The following PDS5B variants were observed in gnomAD, a reference collection of about 807,000 sequenced individuals.
PDS5B encodes the protein PDS5 cohesin associated factor B.
In PDS5B, 51 loss-of-function variants were observed where a neutral mutation model predicts 184.1. The ratio of observed to expected loss-of-function variants is 0.28; its 90% CI spans 0.22 to 0.35. The LOEUF (loss-of-function observed/expected upper bound fraction) is 0.35, where lower values mean the gene tolerates loss of function less well. Among genes scored for constraint, PDS5B ranks in the 10% least tolerant of loss-of-function variants. PDS5B has a pLI of 1.00. For missense variants in PDS5B, 1,180 were observed against 1,723.3 expected (o/e 0.68, Z 5.58); for synonymous variants, 566 against 569.2 (o/e 0.99, Z 0.08).
rs780606336 is a variant in PDS5B, at chr13:32,735,214, A to G, written c.2290A>G (p.Ile764Val). The change falls in exon 21 of 35, where the codon ATA (isoleucine) becomes GTA (valine). Residue 764 changes from isoleucine (I) to valine (V), a missense_variant. Coordinates refer to ENST00000315596, the MANE Select transcript of PDS5B (RefSeq NM_015032.4). Reference sequence around the variant, plus strand: ...AGATCCAAGCAACCTGGAACATCTCATAACACCATTGGTTACTATTGGTCA... The same window carrying G: ...AGATCCAAGCAACCTGGAACATCTCGTAACACCATTGGTTACTATTGGTCA... ...SLDPSNLEHL[I>V]TPLVTIGHIA... 1.3e-6 allele frequency: 2 copies of G among 1,596,706 alleles called. No homozygotes were observed. Among genetic ancestry groups the G allele is most frequent in the Admixed American group, 1.7e-5 (1 of 59,760 alleles).
intron 23 of PDS5B, among the ~76,000 whole-genome samples, chr13:32,743,699 T>C (rs1953645481): frequency 6.6e-6 from 1 of 152,156 alleles, no homozygotes; most frequent in Admixed American, 6.6e-5. Context: ...TTGCATAGAA[T>C]GTTAACAGAA....
chr13:32,611,482 A>C (rs1312644752), intron 1 of PDS5B, among the ~76,000 whole-genome samples: 1 of 135,434 alleles, frequency 7.4e-6, no homozygotes, highest in Non-Finnish European at 1.6e-5. Context: ...ACATTTGATC[A>C]TTTTATTACT....
In PDS5B at chr13:32,746,070, A is replaced by G. The variant is rs1953731338; in HGVS notation, c.2706A>G (p.Glu902=). The part of the protein sequence containing the change: ...EPCYHEIITL[E]QYQLCALAIN... ...GTTACCATGAAATCATCACATTAGAACAATATCAGCTATGTGCATTAGCTA... is the reference window on the plus strand; with the variant it reads ...GTTACCATGAAATCATCACATTAGAGCAATATCAGCTATGTGCATTAGCTA... Residue 902 remains glutamate, a synonymous_variant, in exon 24 of 35, where the codon GAA becomes GAG. Coordinates refer to ENST00000315596, the MANE Select transcript of PDS5B (RefSeq NM_015032.4). The G allele has an allele frequency of 6.2e-7, 1 of 1,613,518 alleles. No individual in the cohort carries two copies. The highest frequency in any genetic ancestry group is 8.5e-7 in the Non-Finnish European group (1 of 1,179,588).
At chr13:32,644,468 T>C (rs1950171133) in intron 1 of PDS5B, among the ~76,000 whole-genome samples, 1 of 152,242 alleles carries the variant, frequency 6.6e-6, no homozygotes, top group South Asian at 2.1e-4. Context: ...GAAGTTTTTA[T>C]GTATGTAAAC....
intron 1 of PDS5B, among the ~76,000 whole-genome samples, chr13:32,595,292 G>C (rs1286218074): frequency 4.6e-5 from 7 of 152,030 alleles, no homozygotes; most frequent in African/African-American, 1.7e-4. Context: ...AAATCCTGTT[G>C]ATTCTGATAT....
chr13:32,697,360 C>G (rs1951735525), intron 15 of PDS5B, among the ~76,000 whole-genome samples: 1 of 152,106 alleles, frequency 6.6e-6, no homozygotes. Flanking sequence ...GCTGTTTTTG[C>G]AGGTCATTTG....
chr13:32,689,085 A>G (rs1349386773), intron 13 of PDS5B: 1 of 157,588 alleles, frequency 6.3e-6, no homozygotes, highest in African/African-American at 2.4e-5. Context: ...TGTTTAGGTA[A>G]GGTGGCATTG....
intron 1 of PDS5B, among the ~76,000 whole-genome samples, chr13:32,605,095 G>T (rs1043609297): frequency 1.3e-5 from 2 of 152,062 alleles, no homozygotes; most frequent in African/African-American, 4.8e-5. Context: ...TCTAATCTTA[G>T]TTATTTCTTG....
chr13:32,741,746 TGTTTATA>T (rs1953566089), intron 22 of PDS5B, among the ~76,000 whole-genome samples: 1 of 151,828 alleles, frequency 6.6e-6, no homozygotes. Context: ...TGTGTGTATT[TGTTTATA>T]GTTCGTATTA....
chr13:32,621,131 T>G (rs930712322), intron 1 of PDS5B, among the ~76,000 whole-genome samples: 5 of 152,246 alleles, frequency 3.3e-5, no homozygotes, highest in African/African-American at 1.2e-4. Flanking sequence ...GTATGTATGT[T>G]TATGAGTTTT....
chr13:32,773,874 G>C (rs907076001), intron 34 of PDS5B, among the ~76,000 whole-genome samples: 15 of 152,104 alleles, frequency 9.9e-5, no homozygotes, highest in Non-Finnish European at 2.1e-4. Context: ...CACGATCTGG[G>C]CTCAGTGCAA....
At chr13:32,670,216 T>TTTG (rs1219289149) in intron 7 of PDS5B, among the ~76,000 whole-genome samples, 1 of 151,956 alleles carries the variant, frequency 6.6e-6, no homozygotes, top group Non-Finnish European at 1.5e-5. Context: ...TGTATTAAAA[T>TTTG]TTGTTGTTGT....
intron 22 of PDS5B, among the ~76,000 whole-genome samples, chr13:32,741,699 CTGTGTGTGTGTGTGTGTGTGTGTGTG>C (rs3050179): frequency 7.2e-6 from 1 of 139,178 alleles, no homozygotes; most frequent in Non-Finnish European, 1.6e-5. Flanking sequence ...CCCTTTCAGT[CTGTGTGTGTGTGTGTGTGTGTGTGTG>C]TGTGTGTGTG....
chr13:32,647,566 C>G (rs2140649439), intron 1 of PDS5B, among the ~76,000 whole-genome samples: 1 of 152,296 alleles, frequency 6.6e-6, no homozygotes, highest in African/African-American at 2.4e-5. Context: ...CAGGCGTGAG[C>G]AATCCCACCT....
At chr13:32,700,737 C>T (rs990657970) in intron 16 of PDS5B, among the ~76,000 whole-genome samples, 5 of 151,810 alleles carry the variant, frequency 3.3e-5, no homozygotes, top group Admixed American at 1.3e-4. Context: ...CAGTATTTTC[C>T]TCATGGTGTT....
At chr13:32,679,655 T>A (rs969338864) in intron 10 of PDS5B, among the ~76,000 whole-genome samples, 310 of 151,020 alleles carry the variant, frequency 2.1e-3, no homozygotes, top group Middle Eastern at 6.8e-3. Flanking sequence ...AAAAAAAAAA[T>A]AAATAAATAA....
intron 12 of PDS5B, 53 bp downstream of exon 12, chr13:32,687,338 A>T: frequency 7.5e-7 from 1 of 1,335,272 alleles, no homozygotes; most frequent in East Asian, 2.5e-5. Context: ...ATATAACTTG[A>T]TTTATTGTTT....
At chr13:32,670,459 C>G (rs915169540) in intron 7 of PDS5B, among the ~76,000 whole-genome samples, 1 of 152,160 alleles carries the variant, frequency 6.6e-6, no homozygotes. Flanking sequence ...AATTGCTGAG[C>G]TCAAGCAGTC....
At chr13:32,764,391 G>A (rs1339223619) in intron 30 of PDS5B, 98 bp from the exon 31 acceptor site, 7 of 617,976 alleles carry the variant, frequency 1.1e-5, no homozygotes, top group South Asian at 5.5e-5. Context: ...TGAAAAGAAC[G>A]AAATTTTTTC....
Sources: allele counts gnomAD v4.1 joint callset (sites outside exome capture counted in the v4.1 genomes callset), GRCh38; gene constraint gnomAD v4.1.1; transcripts MANE v1.5; gene names NCBI Gene and HGNC (gene_info 2026-07-23, HGNC 2026-07-21).